AKT3: variants seen among roughly 807,000 people sequenced by gnomAD.
AKT3 encodes the protein AKT serine/threonine kinase 3, also known as RAC-gamma serine/threonine-protein kinase.
A neutral mutation model predicts 65.3 loss-of-function variants in AKT3; 15 were observed. That is an observed-to-expected ratio of 0.23 (90% CI 0.15 to 0.35). AKT3 has a LOEUF of 0.35. AKT3 is among the 10% of genes least tolerant of loss of function. The pLI, the probability that AKT3 is intolerant of heterozygous loss-of-function variation, is 1.00. For synonymous variants in AKT3, 206 were observed against 183.8 expected, an observed-to-expected ratio of 1.12 and a Z score of -0.98; for missense variants, 243 against 576.5, an observed-to-expected ratio of 0.42 and a Z score of 5.92.
At chr1:243,586,304 CA>C (rs1346737334) in intron 8 of AKT3, among the ~76,000 whole-genome samples, 3 of 151,982 alleles carry the variant, frequency 2.0e-5, no homozygotes, top group Non-Finnish European at 4.4e-5. Context: ...TGGGAATGTA[CA>C]TTAATTCAGC....
chr1:243,814,902 C>T (rs1399506879), intron 2 of AKT3, among the ~76,000 whole-genome samples: 1 of 152,122 alleles, frequency 6.6e-6, no homozygotes, highest in Non-Finnish European at 1.5e-5. Flanking sequence ...AGTCACTGAC[C>T]CATAGCAATT....
chr1:243,724,460 A>AT (rs959104716), intron 2 of AKT3, among the ~76,000 whole-genome samples: 12 of 152,226 alleles, frequency 7.9e-5, no homozygotes, highest in Non-Finnish European at 1.2e-4. Flanking sequence ...TCAAAAGCAT[A>AT]TTTTTTTCAA....
At chr1:243,719,693 C>T (rs1686753034) in intron 2 of AKT3, among the ~76,000 whole-genome samples, 1 of 152,152 alleles carries the variant, frequency 6.6e-6, no homozygotes, top group South Asian at 2.1e-4. Flanking sequence ...CTTTTAGAGG[C>T]TCTTCCATCT....
At chr1:243,771,441 T>A (rs1203685261) in intron 2 of AKT3, among the ~76,000 whole-genome samples, 2 of 152,160 alleles carry the variant, frequency 1.3e-5, no homozygotes, top group Non-Finnish European at 2.9e-5. Context: ...TTAAGACTGC[T>A]TATAATACTG....
At chr1:243,597,605 A>G (rs1019197104) in intron 8 of AKT3, among the ~76,000 whole-genome samples, 3 of 152,140 alleles carry the variant, frequency 2.0e-5, no homozygotes, top group African/African-American at 7.2e-5. Context: ...GGCTCACTCA[A>G]TCTTCCCACT....
chr1:243,743,198 T>C (rs139188250), intron 2 of AKT3, among the ~76,000 whole-genome samples: 1 of 152,324 alleles, frequency 6.6e-6, no homozygotes, highest in East Asian at 1.9e-4. Flanking sequence ...TGTTCAATGA[T>C]AAGGTTGTAA....
At chr1:243,676,039 T>A (rs774981701) in intron 3 of AKT3, among the ~76,000 whole-genome samples, 21 of 152,184 alleles carry the variant, frequency 1.4e-4, no homozygotes, top group Non-Finnish European at 2.5e-4. Flanking sequence ...TCCATAAAGC[T>A]TATATTTTAC....
chr1:243,647,183 A>G (rs1680884635), intron 4 of AKT3, among the ~76,000 whole-genome samples: 2 of 152,206 alleles, frequency 1.3e-5, no homozygotes, highest in South Asian at 4.1e-4. Flanking sequence ...TTATTCCTAC[A>G]TACAATCATG....
chr1:243,780,574 T>C (rs1274572800), intron 2 of AKT3, among the ~76,000 whole-genome samples: 10 of 151,238 alleles, frequency 6.6e-5, no homozygotes, highest in Non-Finnish European at 1.3e-4. Context: ...TTTAAAAATA[T>C]GTTTAAAATC....
At chr1:243,750,395 A>G (rs1368113058) in intron 2 of AKT3, among the ~76,000 whole-genome samples, 1 of 134,798 alleles carries the variant, frequency 7.4e-6, no homozygotes, top group African/African-American at 2.7e-5. Flanking sequence ...CCCCTCTCAC[A>G]TGCATGCACG....
At chr1:243,555,300 T>C (rs2148471415) in intron 10 of AKT3, among the ~76,000 whole-genome samples, 1 of 152,200 alleles carries the variant, frequency 6.6e-6, no homozygotes, top group Non-Finnish European at 1.5e-5. Flanking sequence ...CCAAATCCTA[T>C]CTCCAAACAG....
chr1:243,600,915 G>T (rs1405785446), intron 8 of AKT3, among the ~76,000 whole-genome samples: 1 of 152,066 alleles, frequency 6.6e-6, no homozygotes, highest in Non-Finnish European at 1.5e-5. Context: ...CCTATCAGTG[G>T]TTTTCAGGGT....
At chr1:243,710,093 A>AG (rs1176600007) in intron 2 of AKT3, among the ~76,000 whole-genome samples, 1 of 152,164 alleles carries the variant, frequency 6.6e-6, no homozygotes, top group African/African-American at 2.4e-5. Flanking sequence ...ACTGGCCAAT[A>AG]TTTTTAAAAA....
intron 8 of AKT3, among the ~76,000 whole-genome samples, chr1:243,580,419 G>A (rs1675250562): frequency 6.6e-6 from 1 of 152,170 alleles, no homozygotes; most frequent in African/African-American, 2.4e-5. Context: ...CATTTTTCCA[G>A]ACCCGGGAAA....
chr1:243,723,798 G>GA (rs1238260571), intron 2 of AKT3, among the ~76,000 whole-genome samples: 1 of 152,122 alleles, frequency 6.6e-6, no homozygotes, highest in Non-Finnish European at 1.5e-5. Context: ...GAACCTGCCA[G>GA]CAGTTCCAGC....
intron 2 of AKT3, among the ~76,000 whole-genome samples, chr1:243,725,235 T>A (rs1259033435): frequency 6.6e-6 from 1 of 151,096 alleles, no homozygotes; most frequent in African/African-American, 2.4e-5. Flanking sequence ...GAAACTGCAA[T>A]AAGGGCAGTA....
At chr1:243,804,791 G>C (rs913676427) in intron 2 of AKT3, among the ~76,000 whole-genome samples, 2 of 151,314 alleles carry the variant, frequency 1.3e-5, no homozygotes, top group Admixed American at 6.6e-5. Context: ...AGCTTGTAGT[G>C]AGCTGAGATC....
chr1:243,519,958 A>T lies in AKT3; in HGVS notation c.1252-7532T>A, dbSNP rs142970343. Among the ~76,000 whole-genome samples the T allele has an allele frequency of 5.2e-3, 787 of 152,292 alleles. 4 individuals are homozygous for T. The highest frequency in any genetic ancestry group is 8.6e-3 in the Non-Finnish European group (583 of 68,018). Reference sequence around the variant, plus strand: ...GAGCTTATGTTGAGAAATAAAGTTTATATTTTCTGTTTTTATCTTTTAATA... The same window carrying T: ...GAGCTTATGTTGAGAAATAAAGTTTTTATTTTCTGTTTTTATCTTTTAATA... On this transcript the variant is annotated intron_variant, in intron 12 of 13. Coordinates refer to ENST00000673466, the MANE Select transcript of AKT3 (RefSeq NM_005465.7).
At chr1:243,735,117 C>T (rs990784455) in intron 2 of AKT3, 2 of 152,040 alleles carry the variant, frequency 1.3e-5, no homozygotes, top group Admixed American at 1.3e-4. Flanking sequence ...TACAGTTAAC[C>T]TTTAAAAAAG....
Sources: gnomAD v4.1 joint callset for allele counts (sites outside exome capture counted in the v4.1 genomes callset) on GRCh38, gnomAD v4.1.1 for gene constraint, MANE v1.5 for transcripts, NCBI Gene and HGNC (gene_info 2026-07-23, HGNC 2026-07-21) for gene names.